Variants in GREM2 observed in about 807,000 individuals in gnomAD.
GREM2 encodes gremlin 2, DAN family BMP antagonist.
Under a neutral mutation model 14.2 loss-of-function variants are expected in GREM2, and 11 were observed. The observed-to-expected ratio is 0.78, with a 90% CI of 0.49 to 1.28. The LOEUF (loss-of-function observed/expected upper bound fraction) is 1.28, where lower values mean the gene tolerates loss of function less well. Among genes scored for constraint, GREM2 ranks in the 50% most tolerant of loss-of-function variants. The pLI is 0.00. For synonymous variants in GREM2, 98 were observed against 97.6 expected (o/e 1.00, Z -0.02); for missense variants, 210 against 218.5 (o/e 0.96, Z 0.24).
intron 1 of GREM2, among the ~76,000 whole-genome samples, chr1:240,591,951 C>T (rs188779483): frequency 1.4e-4 from 21 of 152,252 alleles, no homozygotes; most frequent in Admixed American, 4.6e-4. Flanking sequence ...ATAGGTTTTT[C>T]AGACCACGGT....
intron 1 of GREM2, among the ~76,000 whole-genome samples, chr1:240,559,340 C>CTTTTTTT (rs61006579): frequency 1.8e-5 from 2 of 110,130 alleles, no homozygotes; most frequent in African/African-American, 7.1e-5. Flanking sequence ...ATCAAAAAGT[C>CTTTTTTT]TTTTTTTTTT....
At chr1:240,547,532 T>TATAG (rs1553275861) in intron 1 of GREM2, among the ~76,000 whole-genome samples, 12 of 121,876 alleles carry the variant, frequency 9.8e-5, no homozygotes, top group East Asian at 4.7e-4. Flanking sequence ...TATATATATA[T>TATAG]ATAGATAGAT....
intron 1 of GREM2, among the ~76,000 whole-genome samples, chr1:240,564,504 T>C (rs1415260921): frequency 2.5e-5 from 3 of 118,720 alleles, no homozygotes; most frequent in African/African-American, 1.0e-4. Context: ...CAAGACCCTG[T>C]CTCAAAAAAA....
intron 1 of GREM2, among the ~76,000 whole-genome samples, chr1:240,601,232 T>A (rs1401411034): frequency 6.6e-6 from 1 of 152,244 alleles, no homozygotes; most frequent in East Asian, 1.9e-4. Flanking sequence ...AAGACAGCGC[T>A]ATACAACTTC....
intron 1 of GREM2, among the ~76,000 whole-genome samples, chr1:240,551,777 C>G (rs558595119): frequency 6.6e-6 from 1 of 151,982 alleles, no homozygotes; most frequent in East Asian, 1.9e-4. Context: ...TTCTTAAATG[C>G]TGAGGCTGGC....
chr1:240,572,387 T>C (rs1489773666), intron 1 of GREM2, among the ~76,000 whole-genome samples: 3 of 152,206 alleles, frequency 2.0e-5, no homozygotes, highest in Admixed American at 2.0e-4. Context: ...TAGTTGTCAT[T>C]ACTTGACAGA....
chr1:240,509,210 C>T (rs77490190), intron 1 of GREM2, among the ~76,000 whole-genome samples: 5,317 of 152,202 alleles, frequency 0.035, 118 homozygotes, highest in Non-Finnish European at 0.053. Context: ...GTGCCTTCTG[C>T]AGCTCTATGG....
intron 1 of GREM2, among the ~76,000 whole-genome samples, chr1:240,521,247 C>T (rs1456609402): frequency 6.6e-6 from 1 of 152,118 alleles, no homozygotes; most frequent in Non-Finnish European, 1.5e-5. Flanking sequence ...CTTTCCCCTG[C>T]TTTCTCACTG....
intron 1 of GREM2, among the ~76,000 whole-genome samples, chr1:240,507,417 G>A (rs916780068): frequency 5.3e-5 from 8 of 151,682 alleles, no homozygotes; most frequent in African/African-American, 1.7e-4. Context: ...TGCAACCTCC[G>A]CCTCCTGGGT....
intron 1 of GREM2, among the ~76,000 whole-genome samples, chr1:240,498,457 C>T (rs1364247399): frequency 6.6e-6 from 1 of 152,148 alleles, no homozygotes; most frequent in Non-Finnish European, 1.5e-5. Flanking sequence ...CCATGGTGAC[C>T]CACAGTGACT....
intron 1 of GREM2, among the ~76,000 whole-genome samples, chr1:240,510,285 G>A (rs975401765): frequency 7.0e-6 from 1 of 142,930 alleles, no homozygotes; most frequent in Non-Finnish European, 1.5e-5. Context: ...CAGGAGAATG[G>A]CGTGAACCGG....
chr1:240,606,976 C>A (rs566262722), intron 1 of GREM2, among the ~76,000 whole-genome samples: 23 of 152,268 alleles, frequency 1.5e-4, no homozygotes, highest in African/African-American at 5.5e-4. Context: ...CTGAGCCCTG[C>A]CAGATTGAAA....
chr1:240,536,911 G>A (rs576069014), intron 1 of GREM2, among the ~76,000 whole-genome samples: 12 of 152,320 alleles, frequency 7.9e-5, no homozygotes, highest in African/African-American at 2.6e-4. Context: ...TTGGAAGGAG[G>A]AGTACCACAG....
At chr1:240,511,521 C>G (rs530763127) in intron 1 of GREM2, among the ~76,000 whole-genome samples, 3 of 152,108 alleles carry the variant, frequency 2.0e-5, no homozygotes, top group African/African-American at 7.2e-5. Flanking sequence ...GAAGCCGAGG[C>G]GGGCGGATAA....
intron 1 of GREM2, among the ~76,000 whole-genome samples, chr1:240,544,040 A>G (rs1678658740): frequency 6.6e-6 from 1 of 152,186 alleles, no homozygotes; most frequent in Non-Finnish European, 1.5e-5. Flanking sequence ...TACTACCTTG[A>G]ATCCACACGA....
chr1:240,546,782 C>T (rs1300950940), intron 1 of GREM2, among the ~76,000 whole-genome samples: 1 of 152,072 alleles, frequency 6.6e-6, no homozygotes, highest in African/African-American at 2.4e-5. Flanking sequence ...GTTGTCAAAA[C>T]AGCCAAGTGT....
chr1:240,579,465 G>T (rs945237483), intron 1 of GREM2, among the ~76,000 whole-genome samples: 1 of 152,116 alleles, frequency 6.6e-6, no homozygotes, highest in Non-Finnish European at 1.5e-5. Flanking sequence ...TACGTCACAG[G>T]GTAGAGGTGA....
At chr1:240,537,228 A>G (rs1193231918) in intron 1 of GREM2, among the ~76,000 whole-genome samples, 4 of 152,236 alleles carry the variant, frequency 2.6e-5, no homozygotes, top group South Asian at 2.1e-4. Context: ...AAAGCAAAAT[A>G]TAGGGGAAAT....
At chr1:240,500,005 G>T (rs1277329670) in intron 1 of GREM2, among the ~76,000 whole-genome samples, 1 of 152,144 alleles carries the variant, frequency 6.6e-6, no homozygotes, top group Non-Finnish European at 1.5e-5. Flanking sequence ...TCTTTTGCCA[G>T]AAAAGTAGCT....
Sources: gnomAD v4.1 joint callset for allele counts (sites outside exome capture counted in the v4.1 genomes callset) on GRCh38, gnomAD v4.1.1 for gene constraint, MANE v1.5 for transcripts, NCBI Gene and HGNC (gene_info 2026-07-23, HGNC 2026-07-21) for gene names.